The following GTF3C3 variants were observed in gnomAD, a reference collection of about 807,000 sequenced individuals.
GTF3C3 encodes general transcription factor 3C polypeptide 3.
In GTF3C3, 75 loss-of-function variants were observed where a neutral mutation model predicts 105.2. The ratio of observed to expected loss-of-function variants is 0.71; its 90% CI spans 0.59 to 0.86. GTF3C3 has a LOEUF of 0.86. Among genes scored for constraint, GTF3C3 ranks in the 40% least tolerant of loss-of-function variants. The pLI is 0.00. For missense variants in GTF3C3, 856 were observed against 1,076.5 expected (o/e 0.80, Z 2.87); for synonymous variants, 335 against 370.4 (o/e 0.90, Z 1.10).
intron 9 of GTF3C3, 81 bp downstream of exon 9, chr2:196,780,478 A>C: frequency 6.8e-7 from 1 of 1,469,900 alleles, no homozygotes; most frequent in Non-Finnish European, 9.1e-7. Context: ...CTCTAGGGTC[A>C]AGTTATAATT....
chr2:196,771,510 T>A (rs1576018110), intron 15 of GTF3C3, among the ~76,000 whole-genome samples: 2 of 152,224 alleles, frequency 1.3e-5, no homozygotes, highest in Non-Finnish European at 2.9e-5. Flanking sequence ...TATATCCACT[T>A]ACTATATGTG....
At chr2:196,780,364 A>G in intron 9 of GTF3C3, 195 bp downstream of exon 9, 1 of 1,214,950 alleles carries the variant, frequency 8.2e-7, no homozygotes, top group South Asian at 3.1e-5. Flanking sequence ...AGAAAAATAA[A>G]TTACTGTAAG....
intron 10 of GTF3C3, chr2:196,778,669 T>C (rs1416223094): frequency 3.7e-6 from 2 of 547,464 alleles, no homozygotes; most frequent in Non-Finnish European, 6.5e-6. Flanking sequence ...AAGGGAAATG[T>C]GAGTCCTTCA....
chr2:196,774,929 A>C, intron 13 of GTF3C3, 187 bp downstream of exon 13: 1 of 408,520 alleles, frequency 2.4e-6, no homozygotes, highest in Non-Finnish European at 4.3e-6. Context: ...TTTTTAATTT[A>C]AAGTATTTAC....
chr2:196,773,014 TGA>T lies in GTF3C3; in HGVS notation c.1969_1970del (p.Ser657IlefsTer3). 1 of 1,612,118 alleles carries T rather than the reference TGA, an allele frequency of 6.2e-7. No homozygotes were observed. The highest frequency in any genetic ancestry group is 8.5e-7 in the Non-Finnish European group (1 of 1,179,046). On this transcript the variant is annotated frameshift_variant, in exon 14 of 18. Coordinates refer to ENST00000263956, the MANE Select transcript of GTF3C3 (RefSeq NM_012086.5). LOFTEE classifies it high-confidence loss of function. ...TGCGTTTTTGCCTGTCATCATAAAA[TGA>T]GTAATATTCCAATGAGGAATCTACA... The part of the protein sequence containing the change: ...LLVDSSLEYY[S>X]FYDDRQKRKE...
At chr2:196,793,825 T>C (rs1315459820) in intron 2 of GTF3C3, among the ~76,000 whole-genome samples, 5 of 152,216 alleles carry the variant, frequency 3.3e-5, no homozygotes, top group African/African-American at 7.2e-5. Flanking sequence ...GATACCACCA[T>C]AGTATAATAT....
Position 196,776,198 on chromosome 2 carries a change from C to A in GTF3C3, c.1594-87G>T. The A allele has an allele frequency of 2.5e-6, 2 of 786,444 alleles. No individual in the cohort carries two copies. Among genetic ancestry groups the A allele is most frequent in the Non-Finnish European group, 4.1e-6 (2 of 486,552 alleles). 48.7% of individuals were successfully genotyped at this position (786,444 alleles called of 1,614,324 possible). A position where few individuals can be genotyped will look rare whatever the true frequency, so the allele number is the denominator to read the frequency against. Reference sequence around the variant, plus strand: ...TTGCATAGAAACATTTTTAAAAAAACAAACCATATTGCTTTATGGTCTTTC... The same window carrying A: ...TTGCATAGAAACATTTTTAAAAAAAAAAACCATATTGCTTTATGGTCTTTC... On this transcript the variant is annotated intron_variant, in intron 11 of 17. Coordinates refer to ENST00000263956, the MANE Select transcript of GTF3C3 (RefSeq NM_012086.5). This position sits in a 1 kb window ranked among gnomAD's most constrained non-coding sequence, Gnocchi z 4.5.
At position 196,773,554 on chromosome 2, in the gene GTF3C3, A is replaced by G. The variant is rs114448144; in HGVS notation, c.1832-401T>C. 1.4e-3 allele frequency: 412 copies of G among 297,898 alleles called. 2 individuals carry two copies. Among genetic ancestry groups the G allele is most frequent in the Non-Finnish European group, 2.4e-3 (344 of 146,300 alleles). 18.5% of individuals were successfully genotyped at this position (297,898 alleles called of 1,614,324 possible). On this transcript the variant is annotated intron_variant, in intron 13 of 17. Transcript: ENST00000263956. ...CAGTTTCATGCAAGGCAATTTTTCC[A>G]TGGGCCAGGGCTAAGAAGGATGGTT...
chr2:196,776,637 G>T lies in GTF3C3; in HGVS notation c.1391-8C>A. On this transcript the variant is annotated splice_polypyrimidine_tract_variant and splice_region_variant and intron_variant, in intron 10 of 17. Transcript: ENST00000263956. The surrounding 1 kb of genome is among the most constrained non-coding windows in gnomAD (Gnocchi z 4.5). The stretch of plus-strand genomic sequence containing the variant: ...CTAAGGCCTTTAAACATTCTAAGAT[G>T]ATGTTAAAATAAAGCAAAAGTATGA... 1 of 1,593,118 alleles carries T rather than the reference G, an allele frequency of 6.3e-7. No homozygotes were observed. Among genetic ancestry groups the T allele is most frequent in the African/African-American group, 1.3e-5 (1 of 74,624 alleles).
chr2:196,788,863 G>A (rs1389078216), intron 6 of GTF3C3, among the ~76,000 whole-genome samples: 4 of 152,026 alleles, frequency 2.6e-5, no homozygotes, highest in Admixed American at 2.6e-4. Context: ...TCAGGAGTTC[G>A]AGACCAGCCT....
intron 17 of GTF3C3, among the ~76,000 whole-genome samples, chr2:196,766,010 CAAAAA>C (rs11424716): frequency 2.3e-5 from 2 of 87,172 alleles, no homozygotes; most frequent in African/African-American, 4.5e-5. Context: ...ACTCTGTCTC[CAAAAA>C]AAAAAAAAAA....
chr2:196,780,218 T>TG, intron 9 of GTF3C3: 1 of 945,438 alleles, frequency 1.1e-6, no homozygotes, highest in South Asian at 4.6e-5. Flanking sequence ...CTAAGTACTT[T>TG]TTTTTTTTCA....
At chr2:196,783,844 G>A (rs1041534743) in intron 8 of GTF3C3, among the ~76,000 whole-genome samples, 5 of 152,094 alleles carry the variant, frequency 3.3e-5, no homozygotes, top group Admixed American at 6.6e-5. Flanking sequence ...ACTTCCTTGA[G>A]AGCAGGAAAT....
chr2:196,785,371 A>C, intron 7 of GTF3C3, 70 bp downstream of exon 7: 1 of 1,308,344 alleles, frequency 7.6e-7, no homozygotes, highest in Non-Finnish European at 1.0e-6. Context: ...AAGAACTGCC[A>C]ATTTTTAAGA....
intron 15 of GTF3C3, 36 bp from the exon 16 acceptor site, chr2:196,770,075 A>C: frequency 6.9e-7 from 1 of 1,454,428 alleles, no homozygotes; most frequent in East Asian, 2.6e-5. Context: ...CGGTGTGACA[A>C]GAACAGAGTT....
At chr2:196,781,536 G>A (rs1699363672) in intron 8 of GTF3C3, among the ~76,000 whole-genome samples, 1 of 150,966 alleles carries the variant, frequency 6.6e-6, no homozygotes. Context: ...GTATACAGGA[G>A]AAGGTACATA....
In GTF3C3 at chr2:196,781,439, A is replaced by G. The variant is rs62185603; in HGVS notation, c.1115-777T>C. On this transcript the variant is annotated intron_variant, in intron 8 of 17. Transcript: ENST00000263956. ...GCAATACAGTTTAACAGCTATTTAC[A>G]TAGCATTTACATTGTATTATTAGGT... Among the ~76,000 whole-genome samples the G allele has an allele frequency of 3.9e-3, 570 of 145,860 alleles. 4 individuals are homozygous for G. The highest frequency in any genetic ancestry group is 7.3e-3 in the Middle Eastern group (2 of 274).
chr2:196,766,941 CAG>C (rs1262222018), intron 16 of GTF3C3: 2 of 336,882 alleles, frequency 5.9e-6, no homozygotes, highest in Non-Finnish European at 1.1e-5. Flanking sequence ...TCACAGAAAA[CAG>C]AGCCAAATGT....
intron 2 of GTF3C3, among the ~76,000 whole-genome samples, chr2:196,795,677 G>C (rs1699630306): frequency 6.6e-6 from 1 of 152,092 alleles, no homozygotes; most frequent in African/African-American, 2.4e-5. Flanking sequence ...TTCATGAAGA[G>C]TATCTACAAA....
Sources: allele counts gnomAD v4.1 joint callset (sites outside exome capture counted in the v4.1 genomes callset), GRCh38; gene constraint gnomAD v4.1.1; non-coding constraint Gnocchi (gnomAD v3.1); transcripts MANE v1.5; gene names NCBI Gene and HGNC (gene_info 2026-07-23, HGNC 2026-07-21).